ZNF536: variants seen among roughly 807,000 people sequenced by gnomAD.
The protein encoded by ZNF536 is zinc finger protein 536.
Under a neutral mutation model 84.5 loss-of-function variants are expected in ZNF536, and 13 were observed. The observed-to-expected ratio is 0.15, with a 90% CI of 0.10 to 0.24. ZNF536 has a LOEUF of 0.24. Ranked by LOEUF, ZNF536 falls within the 10% of genes least tolerant of loss-of-function variation. The pLI, the probability that ZNF536 is intolerant of heterozygous loss-of-function variation, is 1.00. For missense variants in ZNF536, 1,536 were observed against 1,747.5 expected, an observed-to-expected ratio of 0.88 and a Z score of 2.16; for synonymous variants, 811 against 742.5, an observed-to-expected ratio of 1.09 and a Z score of -1.50.
chr19:30,332,028 C>A (rs1600252354), intron 2 of ZNF536, among the ~76,000 whole-genome samples: 1 of 152,296 alleles, frequency 6.6e-6, no homozygotes. Flanking sequence ...GTTCCTTGCA[C>A]CCCAGCTCTC....
At chr19:30,642,516 G>A (rs2049303603) in intron 1 of ZNF536, among the ~76,000 whole-genome samples, 1 of 152,146 alleles carries the variant, frequency 6.6e-6, no homozygotes, top group Non-Finnish European at 1.5e-5. Flanking sequence ...GCTTCAGAGG[G>A]GACTGAAATG....
At chr19:30,286,675 G>A (rs777430378) in intron 2 of ZNF536, among the ~76,000 whole-genome samples, 4 of 152,024 alleles carry the variant, frequency 2.6e-5, no homozygotes, top group Admixed American at 6.6e-5. Context: ...ACTTTGGCTC[G>A]AAATATGCAA....
At position 30,228,966 on chromosome 19, in the gene ZNF536, C is replaced by T. The variant is rs1022669531; in HGVS notation, c.-190+293C>T. On this transcript the variant is annotated intron_variant, in intron 1 of 5. Coordinates refer to the ZNF536 transcript ENST00000585628. This position sits in a 1 kb window ranked among gnomAD's most constrained non-coding sequence, Gnocchi z 4.5. ...TGGGGGGCGCGCGGTCGCAGTTGGG[C>T]ATCTTGCCTGGGTCGGGGGCGGGCA... 2.6e-5 allele frequency among the ~76,000 whole-genome samples: 4 copies of T among 151,508 alleles called. No homozygotes were observed. The highest frequency in any genetic ancestry group is 9.7e-5 in the African/African-American group (4 of 41,200).
intron 2 of ZNF536, among the ~76,000 whole-genome samples, chr19:30,446,699 CTG>C (rs1352514169): frequency 6.6e-6 from 1 of 152,086 alleles, no homozygotes; most frequent in Non-Finnish European, 1.5e-5. Flanking sequence ...TTAAATTGTA[CTG>C]TGTTACACGG....
chr19:30,311,002 G>A (rs541698241), intron 2 of ZNF536, among the ~76,000 whole-genome samples: 2 of 152,298 alleles, frequency 1.3e-5, no homozygotes, highest in South Asian at 4.1e-4. Context: ...GAGATCCATC[G>A]TTCCCTGATG....
intron 1 of ZNF536, among the ~76,000 whole-genome samples, chr19:30,663,236 G>A (rs911602419): frequency 1.3e-5 from 2 of 151,934 alleles, no homozygotes; most frequent in East Asian, 3.9e-4. Flanking sequence ...GTAATGCTGT[G>A]CTTTAACTTA....
intron 3 of ZNF536, among the ~76,000 whole-genome samples, chr19:30,362,408 A>G (rs1038150129): frequency 2.0e-5 from 3 of 152,246 alleles, no homozygotes; most frequent in Non-Finnish European, 4.4e-5. Flanking sequence ...TGCAGAAAGT[A>G]CTAGGCCTGG....
Position 30,483,207 on chromosome 19 carries a change from C to T in ZNF536, c.2170+37475C>T, listed in dbSNP as rs1045563891. On this transcript the variant is annotated intron_variant, in intron 2 of 4. Transcript: ENST00000355537. ...CCAGGCTCCTCCCACACTCTCTTCT[C>T]CTCTCTGGGTTGTACCTGTTGTACA... Among the ~76,000 whole-genome samples the T allele has an allele frequency of 1.3e-5, 2 of 152,218 alleles. 1 individual carries two copies. Among genetic ancestry groups the T allele is most frequent in the South Asian group, 4.1e-4 (2 of 4,828 alleles).
chr19:30,472,673 C>T (rs1205529311), intron 2 of ZNF536, among the ~76,000 whole-genome samples: 1 of 152,170 alleles, frequency 6.6e-6, no homozygotes, highest in African/African-American at 2.4e-5. Context: ...GCAGTCCACA[C>T]CTTTCACTCC....
At position 30,548,576 on chromosome 19, in the gene ZNF536, C is replaced by G. The variant is rs1257172873; in HGVS notation, c.2957C>G (p.Ser986Cys). The change falls in exon 4 of 5, where the codon TCC becomes TGC. Residue 986 changes from serine to cysteine, a missense_variant. Coordinates refer to ENST00000355537, the MANE Select transcript of ZNF536 (RefSeq NM_014717.3). ...TTGTCTGTGCGGCCAGATGCCGCCT[C>G]CCTCCCGGGCTCCTCGGTAACTGTG... Reference protein sequence around the residue: ...LDLSVRPDAASLPGSSVTVQD... With the variant: ...LDLSVRPDAACLPGSSVTVQD... 1 of 1,614,156 alleles carries G rather than the reference C, an allele frequency of 6.2e-7. No homozygotes were observed. The highest frequency in any genetic ancestry group is 1.7e-5 in the Admixed American group (1 of 60,024).
Position 30,544,398 on chromosome 19 carries a change from A to G in ZNF536, c.2324-3545A>G, listed in dbSNP as rs575728223. 1.3e-3 allele frequency among the ~76,000 whole-genome samples: 195 copies of G among 152,320 alleles called. 1 individual carries two copies. The highest frequency in any genetic ancestry group is 4.4e-3 in the African/African-American group (184 of 41,580). On this transcript the variant is annotated intron_variant, in intron 3 of 4. Transcript: ENST00000355537. ...CAGGCCTGGGCCCGTGGAGACTCCAATGCTAGGAATTAGCCTTTCTTGTTT... is the reference window on the plus strand; with the variant it reads ...CAGGCCTGGGCCCGTGGAGACTCCAGTGCTAGGAATTAGCCTTTCTTGTTT...
At chr19:30,331,753 T>C (rs2047218647) in intron 2 of ZNF536, among the ~76,000 whole-genome samples, 1 of 152,130 alleles carries the variant, frequency 6.6e-6, no homozygotes. Flanking sequence ...TCACTGCCTT[T>C]CCCTCCAAAT....
chr19:30,681,573 G>C (rs2050973189), intron 1 of ZNF536, among the ~76,000 whole-genome samples: 1 of 152,194 alleles, frequency 6.6e-6, no homozygotes, highest in African/African-American at 2.4e-5. Context: ...AAGCTGGATG[G>C]AGTCCTAAGG....
intron 1 of ZNF536, among the ~76,000 whole-genome samples, chr19:30,427,613 T>G (rs145913043): frequency 2.0e-5 from 3 of 152,218 alleles, no homozygotes; most frequent in African/African-American, 4.8e-5. Flanking sequence ...ACTAGATTTC[T>G]CGGGGTCATG....
At chr19:30,324,443 C>T (rs1042399175) in intron 2 of ZNF536, among the ~76,000 whole-genome samples, 2 of 152,216 alleles carry the variant, frequency 1.3e-5, no homozygotes, top group Non-Finnish European at 2.9e-5. Flanking sequence ...AGTGCACTGG[C>T]ACTATCATGG....
At chr19:30,402,304 A>T (rs2050074974) in intron 1 of ZNF536, among the ~76,000 whole-genome samples, 1 of 152,142 alleles carries the variant, frequency 6.6e-6, no homozygotes, top group Non-Finnish European at 1.5e-5. Flanking sequence ...GTTATGCAAA[A>T]TCATTATAGC....
intron 2 of ZNF536, among the ~76,000 whole-genome samples, chr19:30,469,735 C>T (rs920021421): frequency 3.3e-5 from 5 of 152,154 alleles, no homozygotes; most frequent in African/African-American, 4.8e-5. Context: ...CAGCTCCCAC[C>T]GCCCACCTGC....
intron 1 of ZNF536, among the ~76,000 whole-genome samples, chr19:30,383,603 CCTTT>C (rs1600486249): frequency 6.7e-6 from 1 of 149,060 alleles, no homozygotes; most frequent in East Asian, 2.0e-4. Flanking sequence ...CACCTTCCTT[CCTTT>C]CTTTCTCTCT....
At chr19:30,541,188 G>T (rs534937005) in intron 3 of ZNF536, among the ~76,000 whole-genome samples, 31 of 152,284 alleles carry the variant, frequency 2.0e-4, no homozygotes, top group African/African-American at 7.2e-4. Context: ...CCCCATCCAG[G>T]TGCCTTATGG....
Sources: gnomAD v4.1 joint callset for allele counts (sites outside exome capture counted in the v4.1 genomes callset) on GRCh38, gnomAD v4.1.1 for gene constraint, Gnocchi (gnomAD v3.1) non-coding constraint, MANE v1.5 for transcripts, NCBI Gene and HGNC (gene_info 2026-07-23, HGNC 2026-07-21) for gene names.